Variants in CMIP observed in about 807,000 individuals in gnomAD.
CMIP encodes the protein C-Maf-inducing protein.
A neutral mutation model predicts 97.3 loss-of-function variants in CMIP; 13 were observed. The observed-to-expected ratio is 0.13, with a 90% CI of 0.09 to 0.21. CMIP has a LOEUF of 0.21. Among genes scored for constraint, CMIP ranks in the 10% least tolerant of loss-of-function variants. The pLI is 1.00. For synonymous variants in CMIP, 538 were observed against 436.3 expected (o/e 1.23, Z -2.91); for missense variants, 847 against 1,024.9 (o/e 0.83, Z 2.37).
chr16:81,562,501 G>A (rs1024782507), intron 1 of CMIP, among the ~76,000 whole-genome samples: 1 of 152,266 alleles, frequency 6.6e-6, no homozygotes, highest in African/African-American at 2.4e-5. Flanking sequence ...GCCCAGCTGC[G>A]GGCCTCTTGG....
chr16:81,660,345 C>T (rs942421142), intron 5 of CMIP, among the ~76,000 whole-genome samples: 1 of 151,796 alleles, frequency 6.6e-6, no homozygotes. Context: ...AGGAACTCGG[C>T]TCACTGCAAC....
chr16:81,548,099 C>T (rs905071571), intron 1 of CMIP, among the ~76,000 whole-genome samples: 4 of 151,232 alleles, frequency 2.6e-5, no homozygotes, highest in Non-Finnish European at 5.9e-5. Flanking sequence ...ATTTTTCAGC[C>T]TCAGCTCTAC....
At chr16:81,670,964 G>A (rs1158736565) in intron 8 of CMIP, among the ~76,000 whole-genome samples, 3 of 152,130 alleles carry the variant, frequency 2.0e-5, no homozygotes, top group African/African-American at 7.2e-5. Flanking sequence ...AAGTAGCTGG[G>A]ATTACAGGCA....
At chr16:81,685,663 G>C (rs1193579401) in intron 10 of CMIP, among the ~76,000 whole-genome samples, 1 of 151,090 alleles carries the variant, frequency 6.6e-6, no homozygotes, top group Non-Finnish European at 1.5e-5. Flanking sequence ...TCCCACCTCA[G>C]ACTCCCAAGT....
At chr16:81,609,257 G>C (rs190119985) in intron 2 of CMIP, among the ~76,000 whole-genome samples, 2 of 148,260 alleles carry the variant, frequency 1.3e-5, no homozygotes, top group African/African-American at 5.0e-5. Flanking sequence ...ATAGAGGTCA[G>C]TGTCACCCTC....
intron 1 of CMIP, among the ~76,000 whole-genome samples, chr16:81,589,489 T>G (rs946648308): frequency 5.8e-4 from 89 of 152,198 alleles, no homozygotes; most frequent in African/African-American, 2.1e-3. Flanking sequence ...TTGTGTTTTT[T>G]TTTTTTTTTT....
chr16:81,693,246 T>C, intron 12 of CMIP, 62 bp downstream of exon 12: 1 of 1,524,702 alleles, frequency 6.6e-7, no homozygotes, highest in Non-Finnish European at 9.0e-7. Context: ...CCTGAGGTCT[T>C]CCCTCCGTGG....
intron 1 of CMIP, among the ~76,000 whole-genome samples, chr16:81,448,507 A>G (rs1906005987): frequency 1.3e-5 from 2 of 152,228 alleles, no homozygotes; most frequent in Non-Finnish European, 2.9e-5. Flanking sequence ...GGGACCTGAT[A>G]GCCCTCCAGG....
In CMIP at chr16:81,705,006, C is replaced by T. The variant is rs546271794; in HGVS notation, c.2092-493C>T. On this transcript the variant is annotated intron_variant, in intron 18 of 20. Transcript: ENST00000537098. ...ATAGTAACACCAGTGGCTGCTGAGT[C>T]CCAGCTCAGTGTGAACTGCACTGCT... 2.6e-3 allele frequency among the ~76,000 whole-genome samples: 390 copies of T among 152,136 alleles called. 2 individuals carry two copies. Among genetic ancestry groups the T allele is most frequent in the Non-Finnish European group, 4.8e-3 (325 of 67,986 alleles).
chr16:81,582,432 T>C (rs2091311463), intron 1 of CMIP, among the ~76,000 whole-genome samples: 1 of 152,060 alleles, frequency 6.6e-6, no homozygotes, highest in African/African-American at 2.4e-5. Flanking sequence ...CTGGGAAGGG[T>C]CCTCAAAGGC....
chr16:81,545,789 C>T (rs1015167273), intron 1 of CMIP, among the ~76,000 whole-genome samples: 1 of 152,230 alleles, frequency 6.6e-6, no homozygotes, highest in African/African-American at 2.4e-5. Flanking sequence ...TTCCTGCCGG[C>T]CCTCCCGTGG....
intron 20 of CMIP, among the ~76,000 whole-genome samples, chr16:81,708,477 A>G (rs1233398896): frequency 6.6e-6 from 1 of 152,268 alleles, no homozygotes; most frequent in Admixed American, 6.5e-5. Context: ...TGGGGAGTGC[A>G]GGAAAGGCCC....
Position 81,453,787 on chromosome 16 carries a change from C to A in CMIP, c.300+8246C>A, listed in dbSNP as rs1021889965. The stretch of plus-strand genomic sequence containing the variant: ...TTCTTGTGAAATGGGTCTGCCCTCC[C>A]CTAGGTCCTTCATTGTCAGGGGGAT... On this transcript the variant is annotated intron_variant, in intron 1 of 20. Transcript: ENST00000537098. This position sits in a 1 kb window ranked among gnomAD's most constrained non-coding sequence, Gnocchi z 4.0. Among the ~76,000 whole-genome samples, 1 of 152,212 alleles carries A rather than the reference C, an allele frequency of 6.6e-6. No individual in the cohort carries two copies. The highest frequency in any genetic ancestry group is 1.5e-5 in the Non-Finnish European group (1 of 68,032).
At chr16:81,560,763 A>T (rs1321158550) in intron 1 of CMIP, among the ~76,000 whole-genome samples, 1 of 152,180 alleles carries the variant, frequency 6.6e-6, no homozygotes, top group Non-Finnish European at 1.5e-5. Flanking sequence ...TAGGTACACA[A>T]ATATTTACCA....
chr16:81,536,830 T>A (rs948678927), intron 1 of CMIP, among the ~76,000 whole-genome samples: 2 of 151,850 alleles, frequency 1.3e-5, no homozygotes, highest in South Asian at 2.1e-4. Context: ...CACGTACAGC[T>A]CAGTGAATTT....
intron 10 of CMIP, chr16:81,691,549 C>G (rs753872884): frequency 1.0e-5 from 6 of 588,040 alleles, no homozygotes; most frequent in Admixed American, 3.0e-5. Flanking sequence ...AGCTCACCCC[C>G]TCGGGTGCCA....
At chr16:81,691,445 C>T (rs1292683087) in intron 10 of CMIP, among the ~76,000 whole-genome samples, 1 of 152,172 alleles carries the variant, frequency 6.6e-6, no homozygotes, top group Non-Finnish European at 1.5e-5. Context: ...GGGCAAAGTT[C>T]AGCCTAAAAC....
Position 81,648,051 on chromosome 16 carries a change from C to T in CMIP, c.478-4152C>T, listed in dbSNP as rs186752463. On this transcript the variant is annotated intron_variant, in intron 3 of 20. Coordinates refer to ENST00000537098, the MANE Select transcript of CMIP (RefSeq NM_198390.3). ...GCCGTAGCCCACCCTCCCCCTGCTG[C>T]TTCCACCGCCTTCTGGTTACCTGGC... 6.8e-5 allele frequency among the ~76,000 whole-genome samples: 10 copies of T among 147,092 alleles called. No homozygotes were observed. The East Asian group carries it at 1.8e-3, about 27-fold the overall frequency.
chr16:81,460,283 G>C (rs980487340), intron 1 of CMIP, among the ~76,000 whole-genome samples: 6 of 152,124 alleles, frequency 3.9e-5, no homozygotes, highest in African/African-American at 1.4e-4. Context: ...GGGTGAGTGG[G>C]CTATTTATTC....
Sources: allele counts gnomAD v4.1 joint callset (sites outside exome capture counted in the v4.1 genomes callset), GRCh38; gene constraint gnomAD v4.1.1; non-coding constraint Gnocchi (gnomAD v3.1); transcripts MANE v1.5; gene names NCBI Gene and HGNC (gene_info 2026-07-23, HGNC 2026-07-21).